The following TBC1D8B variants were observed in gnomAD, a reference collection of about 807,000 sequenced individuals.
TBC1D8B encodes the protein RP11-321G1.1.
In TBC1D8B, 75 loss-of-function variants were observed where a neutral mutation model predicts 82.9. The ratio of observed to expected loss-of-function variants is 0.90; its 90% CI spans 0.75 to 1.10. The LOEUF is 1.10. TBC1D8B is among the 50% of genes least tolerant of loss of function. TBC1D8B has a pLI of 0.00. For missense variants in TBC1D8B, 794 were observed against 796.9 expected, an observed-to-expected ratio of 1.00 and a Z score of 0.04; for synonymous variants, 276 against 276.8, an observed-to-expected ratio of 1.00 and a Z score of 0.03.
chrX:106,821,059 T>C (rs1931680241), intron 3 of TBC1D8B, 64 bp downstream of exon 3: 3 of 608,461 alleles, frequency 4.9e-6, no homozygotes, highest in Non-Finnish European at 7.5e-6. Flanking sequence ...TGTATGAGGA[T>C]CAAAGTTTGC....
chrX:106,836,917 G>A (rs1932188835), intron 7 of TBC1D8B, among the ~76,000 whole-genome samples: 1 of 111,580 alleles, frequency 9.0e-6, no homozygotes, highest in African/African-American at 3.3e-5. Flanking sequence ...TCAACAAGAA[G>A]GCCAAGCTAA....
chrX:106,831,230 T>G (rs1046514473), intron 7 of TBC1D8B, among the ~76,000 whole-genome samples: 1 of 111,673 alleles, frequency 9.0e-6, no homozygotes, highest in African/African-American at 3.2e-5. Context: ...ATCTCCAGAG[T>G]AGAGATTGAA....
rs1931274892 is a variant in TBC1D8B at position 106,808,991 on chromosome X, A to G, written c.130+6008A>G. On this transcript the variant is annotated intron_variant, in intron 1 of 20. Coordinates refer to ENST00000357242, the MANE Select transcript of TBC1D8B (RefSeq NM_017752.3). ...AGCCTAGGCAATATAGTGAGATAAA[A>G]AATATTTTAAAAAGTAAAAGGCATT... Among the ~76,000 whole-genome samples the G allele has an allele frequency of 2.7e-5, 3 of 111,795 alleles. No individual in the cohort carries two copies. In the South Asian group the frequency reaches 1.1e-3, roughly 42 times the overall value.
At chrX:106,805,327 T>G (rs1167988581) in intron 1 of TBC1D8B, among the ~76,000 whole-genome samples, 3 of 108,496 alleles carry the variant, frequency 2.8e-5, no homozygotes. Flanking sequence ...CTTAGGATCC[T>G]CCCACTTTGG....
At chrX:106,860,023 G>C (rs1380152113) in intron 14 of TBC1D8B, among the ~76,000 whole-genome samples, 4 of 111,770 alleles carry the variant, frequency 3.6e-5, no homozygotes, top group African/African-American at 1.3e-4. Context: ...AACCAACCTT[G>C]TATCCCAGGG....
intron 1 of TBC1D8B, among the ~76,000 whole-genome samples, chrX:106,804,251 T>C (rs1931120557): frequency 9.0e-6 from 1 of 111,591 alleles, no homozygotes; most frequent in South Asian, 3.8e-4. Flanking sequence ...ACCAAATCAA[T>C]GTATGTCGTC....
Position 106,875,733 on chromosome X carries a change from CTT to C in TBC1D8B, c.*1770_*1771del, listed in dbSNP as rs1932883686. ...TGTATACAAGGCACTATTGTACACA[CTT>C]TGCTGAATATTTTGTCAGTTGTATT... On this transcript the variant is annotated 3_prime_UTR_variant, in exon 21 of 21. Coordinates refer to ENST00000357242, the MANE Select transcript of TBC1D8B (RefSeq NM_017752.3). The C allele has an allele frequency of 8.9e-6, 1 of 111,890 alleles. No homozygotes were observed. Among genetic ancestry groups the C allele is most frequent in the Admixed American group, 9.5e-5 (1 of 10,523 alleles). The allele number at this position is 111,890 out of a possible 1,213,427, so 9.2% of individuals were successfully genotyped here. A position where few individuals can be genotyped will look rare whatever the true frequency, so the allele number is the denominator to read the frequency against.
At chrX:106,867,865 A>G (rs994080423) in intron 17 of TBC1D8B, among the ~76,000 whole-genome samples, 1 of 111,614 alleles carries the variant, frequency 9.0e-6, no homozygotes, top group Non-Finnish European at 1.9e-5. Flanking sequence ...TAAAAATTTA[A>G]TTATAAAAGG....
In TBC1D8B at chrX:106,802,682, T is replaced by C. The variant is rs752917767; in HGVS notation, c.-172T>C. The C allele has an allele frequency of 5.2e-5, 33 of 629,830 alleles. 1 individual carries two copies. The South Asian group carries it at 8.4e-4, about 16-fold the overall frequency. The allele number at this position is 629,830 out of a possible 1,213,427, so 51.9% of individuals were successfully genotyped here. A position where few individuals can be genotyped will look rare whatever the true frequency, so the allele number is the denominator to read the frequency against. On this transcript the variant is annotated 5_prime_UTR_variant, in exon 1 of 21. Transcript: ENST00000357242. ...GCTGTGGGAGGGAATTGGCAATCTCTCTGCCTACGTGGGAGAGAAGGGAGG... is the reference window on the plus strand; with the variant it reads ...GCTGTGGGAGGGAATTGGCAATCTCCCTGCCTACGTGGGAGAGAAGGGAGG...
At chrX:106,836,318 C>A (rs752024159) in intron 7 of TBC1D8B, among the ~76,000 whole-genome samples, 67 of 111,414 alleles carry the variant, frequency 6.0e-4, no homozygotes, top group African/African-American at 2.2e-3. Context: ...CCCCATGATT[C>A]AGTTATCTCC....
At chrX:106,829,947 A>T (rs1163971110) in intron 7 of TBC1D8B, 1 of 111,573 alleles carries the variant, frequency 9.0e-6, no homozygotes, top group Admixed American at 9.5e-5. Context: ...GACAAATGGG[A>T]TCTAATTAAA....
chrX:106,839,961 G>T, intron 8 of TBC1D8B, 87 bp from the exon 9 acceptor site: 2 of 965,647 alleles, frequency 2.1e-6, no homozygotes, highest in South Asian at 5.2e-5. Context: ...TATAGATGTT[G>T]TTTCAAGGTA....
At chrX:106,871,022 G>A (rs1336909342) in intron 20 of TBC1D8B, among the ~76,000 whole-genome samples, 2 of 111,359 alleles carry the variant, frequency 1.8e-5, no homozygotes, top group Admixed American at 1.9e-4. Flanking sequence ...GTGTTTCAGA[G>A]AATTCTTCTG....
chrX:106,803,300 A>C (rs1159756222), intron 1 of TBC1D8B, among the ~76,000 whole-genome samples: 2 of 111,562 alleles, frequency 1.8e-5, no homozygotes, highest in Non-Finnish European at 3.8e-5. Context: ...AGACCTAGAC[A>C]GGTCGCATTT....
rs148100082 is a variant in TBC1D8B, at chrX:106,840,180, C to T, written c.1486C>T (p.Leu496Phe). The change falls in exon 9 of 21, where the codon CTC becomes TTC. Residue 496 changes from leucine to phenylalanine, a missense_variant. Coordinates refer to ENST00000357242, the MANE Select transcript of TBC1D8B (RefSeq NM_017752.3). ...RGIPETLRGE[L>F]WMLFSGAVND... ...GATTCCAGAAACATTAAGAGGAGAA[C>T]TCTGGATGCTTTTTTCAGGTATTAC... The T allele has an allele frequency of 2.3e-5, 28 of 1,205,095 alleles. No individual in the cohort carries two copies. In the African/African-American group the frequency reaches 4.9e-4, roughly 21 times the overall value.
rs767256292 is a variant in TBC1D8B, at chrX:106,814,220, G to A, written c.131-4443G>A. 2.6e-3 allele frequency: 289 copies of A among 111,135 alleles called. 2 individuals are homozygous for A. Among genetic ancestry groups the A allele is most frequent in the African/African-American group, 9.3e-3 (284 of 30,495 alleles). 9.2% of individuals were successfully genotyped at this position (111,135 alleles called of 1,213,427 possible). On this transcript the variant is annotated intron_variant, in intron 1 of 20. Transcript: ENST00000357242. ...TTTTATGGCTGTATAGTATTCCATG[G>A]TGTATATGTGCCACATTTTCTTAAT...
rs1434388153 is a variant in TBC1D8B at position 106,872,450 on chromosome X, AATATTT to A, written c.2968-1115_2968-1110del. Among the ~76,000 whole-genome samples the A allele has an allele frequency of 5.4e-4, 16 of 29,902 alleles. No homozygotes were observed. In the East Asian group the frequency reaches 6.2e-3, roughly 12 times the overall value. The allele number at this position is 29,902 out of a possible 115,157, so 26.0% of individuals were successfully genotyped here. ...GAGTTGTGAACTAGGAACCCAGAAA[AATATTT>A]ATATATATATATATATATATATATA... is the stretch of plus-strand genomic sequence containing the variant. On this transcript the variant is annotated intron_variant, in intron 20 of 20. Coordinates refer to ENST00000357242, the MANE Select transcript of TBC1D8B (RefSeq NM_017752.3).
chrX:106,839,132 T>A (rs1932242720), intron 7 of TBC1D8B, among the ~76,000 whole-genome samples, 176 bp from the exon 8 acceptor site: 2 of 112,196 alleles, frequency 1.8e-5, no homozygotes, highest in African/African-American at 3.2e-5. Flanking sequence ...GAGCTTGCCA[T>A]TCTAGAAGTC....
At position 106,822,313 on chromosome X, in the gene TBC1D8B, A is replaced by G. The variant is rs758113050; in HGVS notation, c.586+111A>G. The G allele has an allele frequency of 6.5e-4, 403 of 617,484 alleles. 5 individuals are homozygous for G. The South Asian group carries it at 7.8e-3, about 12-fold the overall frequency. 50.9% of individuals were successfully genotyped at this position (617,484 alleles called of 1,213,427 possible). A position where few individuals can be genotyped will look rare whatever the true frequency, so the allele number is the denominator to read the frequency against. ...TAGGATTGATATTAAAGGTAATTAA[A>G]CTGTACAATAAAAAGTTTATTTCAT... On this transcript the variant is annotated intron_variant, in intron 4 of 20. Transcript: ENST00000357242.
Sources: allele counts gnomAD v4.1 joint callset (sites outside exome capture counted in the v4.1 genomes callset), GRCh38; gene constraint gnomAD v4.1.1; transcripts MANE v1.5; gene names NCBI Gene and HGNC (gene_info 2026-07-23, HGNC 2026-07-21).